Variants in RARB observed in about 807,000 individuals in gnomAD.
RARB encodes the protein retinoic acid receptor beta, also known as HBV-activated protein.
A neutral mutation model predicts 51.9 loss-of-function variants in RARB; 17 were observed. The ratio of observed to expected loss-of-function variants is 0.33; its 90% CI spans 0.22 to 0.49. RARB has a LOEUF of 0.49. RARB is among the 20% of genes least tolerant of loss of function. RARB has a pLI of 0.99. For missense variants in RARB, 369 were observed against 550.8 expected (o/e 0.67, Z 3.30); for synonymous variants, 215 against 195.4 (o/e 1.10, Z -0.84).
intron 5 of RARB, among the ~76,000 whole-genome samples, chr3:25,319,914 G>C (rs1427181291): frequency 6.6e-6 from 1 of 151,968 alleles, no homozygotes; most frequent in Admixed American, 6.6e-5. Flanking sequence ...AAAGTAACTA[G>C]CACTATCTCA....
chr3:25,328,205 T>C (rs1316483685), intron 5 of RARB, among the ~76,000 whole-genome samples: 1 of 152,248 alleles, frequency 6.6e-6, no homozygotes, highest in South Asian at 2.1e-4. Context: ...GAGATCAGGA[T>C]AAACGGATGA....
At chr3:25,122,904 G>C (rs926416602) in intron 3 of RARB, among the ~76,000 whole-genome samples, 1 of 152,076 alleles carries the variant, frequency 6.6e-6, no homozygotes, top group Admixed American at 6.6e-5. Flanking sequence ...CCTTTCCATC[G>C]GGTCTGGAGT....
chr3:25,046,614 C>T (rs1040566932), intron 2 of RARB, among the ~76,000 whole-genome samples: 1 of 152,040 alleles, frequency 6.6e-6, no homozygotes, highest in East Asian at 1.9e-4. Context: ...CCACCATGCT[C>T]AGCTAATTTT....
At position 24,957,189 on chromosome 3, in the gene RARB, A is replaced by C. The variant is rs1696036147; in HGVS notation, c.-380+98437A>C. ...CACTTCTGAAGTGGAATCTGGACAAAGCACCACAGAATCCAACACAGAAGC... is the reference window on the plus strand; with the variant it reads ...CACTTCTGAAGTGGAATCTGGACAACGCACCACAGAATCCAACACAGAAGC... On this transcript the variant is annotated intron_variant, in intron 2 of 11. Coordinates refer to the RARB transcript ENST00000383772. Among the ~76,000 whole-genome samples the C allele has an allele frequency of 2.0e-5, 3 of 152,164 alleles. No homozygotes were observed. In the South Asian group the frequency reaches 6.2e-4, roughly 32 times the overall value.
At chr3:24,880,808 A>G (rs554429409) in intron 2 of RARB, among the ~76,000 whole-genome samples, 8 of 152,372 alleles carry the variant, frequency 5.3e-5, no homozygotes, top group African/African-American at 1.9e-4. Context: ...ATTTTGGGAC[A>G]TATAGTTACT....
At chr3:25,177,440 A>G (rs1011331820) in intron 5 of RARB, among the ~76,000 whole-genome samples, 2 of 152,232 alleles carry the variant, frequency 1.3e-5, no homozygotes, top group Non-Finnish European at 2.9e-5. Context: ...ATGTTGGAGA[A>G]TGACTCTGTA....
chr3:25,456,680 TATAGAGAGAGAGAGAGAGAG>T (rs1694932860), intron 1 of RARB, among the ~76,000 whole-genome samples: 2 of 99,980 alleles, frequency 2.0e-5, no homozygotes, highest in Admixed American at 2.1e-4. Context: ...TATATATATA[TATAGAGAGAGAGAGAGAGAG>T]AGAGAGAGAG....
chr3:24,895,142 G>C (rs554303886), intron 2 of RARB, among the ~76,000 whole-genome samples: 2 of 152,244 alleles, frequency 1.3e-5, no homozygotes, highest in African/African-American at 4.8e-5. Context: ...GAATCATTTG[G>C]TCAGCCATTT....
intron 5 of RARB, among the ~76,000 whole-genome samples, chr3:25,217,598 T>C (rs569397978): frequency 6.6e-6 from 1 of 152,154 alleles, no homozygotes; most frequent in East Asian, 1.9e-4. Context: ...AGACCTGGGA[T>C]TGAATCTTTG....
intron 3 of RARB, among the ~76,000 whole-genome samples, chr3:25,513,823 A>T (rs1000981866): frequency 3.9e-5 from 6 of 152,180 alleles, no homozygotes; most frequent in Non-Finnish European, 8.8e-5. Context: ...AGGAAGGGAG[A>T]GAGGGAGAAA....
intron 1 of RARB, among the ~76,000 whole-genome samples, chr3:25,445,025 G>T (rs1234858874): frequency 1.3e-5 from 2 of 151,900 alleles, no homozygotes; most frequent in African/African-American, 2.4e-5. Flanking sequence ...TCTCAGGTCA[G>T]TGCAACCTCC....
At chr3:25,039,445 T>C (rs546644121) in intron 2 of RARB, among the ~76,000 whole-genome samples, 1 of 152,334 alleles carries the variant, frequency 6.6e-6, no homozygotes, top group South Asian at 2.1e-4. Flanking sequence ...AACTTACTAG[T>C]AATTTTAATT....
chr3:25,055,685 A>T (rs961477693), intron 2 of RARB, among the ~76,000 whole-genome samples: 40 of 152,220 alleles, frequency 2.6e-4, no homozygotes, highest in African/African-American at 8.9e-4. Flanking sequence ...AGGCCAATAA[A>T]GGGACAGTAG....
At chr3:25,247,922 G>A (rs1295968900) in intron 5 of RARB, among the ~76,000 whole-genome samples, 5 of 152,186 alleles carry the variant, frequency 3.3e-5, no homozygotes, top group East Asian at 3.9e-4. Flanking sequence ...TTTAAATCTA[G>A]TATTTCTTTG....
At chr3:25,246,034 T>G (rs1702552053) in intron 5 of RARB, among the ~76,000 whole-genome samples, 1 of 152,154 alleles carries the variant, frequency 6.6e-6, no homozygotes, top group African/African-American at 2.4e-5. Context: ...TTCTTTTTTC[T>G]CTAATCTTGT....
At chr3:25,076,723 G>T (rs886360697) in intron 3 of RARB, among the ~76,000 whole-genome samples, 2 of 152,014 alleles carry the variant, frequency 1.3e-5, no homozygotes, top group Non-Finnish European at 2.9e-5. Flanking sequence ...AAAAAGCTTT[G>T]TATTTTTTTT....
At chr3:24,852,534 T>C (rs1702573373) in intron 1 of RARB, among the ~76,000 whole-genome samples, 1 of 152,186 alleles carries the variant, frequency 6.6e-6, no homozygotes, top group Non-Finnish European at 1.5e-5. Flanking sequence ...AATGAAAATA[T>C]GTCCACATAA....
At chr3:25,032,891 G>T (rs1697904874) in intron 2 of RARB, among the ~76,000 whole-genome samples, 1 of 152,114 alleles carries the variant, frequency 6.6e-6, no homozygotes, top group Non-Finnish European at 1.5e-5. Context: ...TAGTTCAATT[G>T]TCATTTCGTG....
chr3:24,914,685 C>A (rs1343883675), intron 2 of RARB, among the ~76,000 whole-genome samples: 2 of 152,126 alleles, frequency 1.3e-5, no homozygotes, highest in South Asian at 2.1e-4. Context: ...AGTTGTTACA[C>A]TGTATTGTTT....
Sources: allele counts gnomAD v4.1 joint callset (sites outside exome capture counted in the v4.1 genomes callset), GRCh38; gene constraint gnomAD v4.1.1; transcripts MANE v1.5; gene names NCBI Gene and HGNC (gene_info 2026-07-23, HGNC 2026-07-21).